TAOK1: variants seen among roughly 807,000 people sequenced by gnomAD.
TAOK1 encodes the protein serine/threonine-protein kinase TAO1.
TAOK1 carries 21 observed loss-of-function variants against 138.3 expected under a neutral mutation model. The ratio of observed to expected loss-of-function variants is 0.15; its 90% CI spans 0.11 to 0.22. The LOEUF (loss-of-function observed/expected upper bound fraction) is 0.22, where lower values mean the gene tolerates loss of function less well. Ranked by LOEUF, TAOK1 falls within the 10% of genes least tolerant of loss-of-function variation. The pLI is 1.00. For synonymous variants in TAOK1, 361 were observed against 398.4 expected, an observed-to-expected ratio of 0.91 and a Z score of 1.12; for missense variants, 651 against 1,227.7, an observed-to-expected ratio of 0.53 and a Z score of 7.02.
intron 2 of TAOK1, among the ~76,000 whole-genome samples, chr17:29,464,379 G>A (rs2030604101): frequency 6.7e-6 from 1 of 149,812 alleles, no homozygotes; most frequent in South Asian, 2.1e-4. Context: ...GGGAGGCAGA[G>A]TTTGCAGTGA....
chr17:29,391,394 G>A (rs1904422339), intron 1 of TAOK1, among the ~76,000 whole-genome samples: 2 of 152,090 alleles, frequency 1.3e-5, no homozygotes, highest in Admixed American at 6.5e-5. Context: ...TGTATTCTTG[G>A]GAAGGGAGAC....
rs1018067032 is a variant in TAOK1 at position 29,390,969 on chromosome 17, G to C, written c.-150G>C. The stretch of plus-strand genomic sequence containing the variant: ...CTCACCCTCCAGGGTAGCGGCTACC[G>C]GAGCGCTGCAGGGGGCTGCGCCTGC... On this transcript the variant is annotated 5_prime_UTR_variant, in exon 1 of 20. Coordinates refer to ENST00000261716, the MANE Select transcript of TAOK1 (RefSeq NM_020791.4). 15 of 152,262 alleles carry C rather than the reference G, an allele frequency of 9.9e-5. No individual in the cohort carries two copies. The highest frequency in any genetic ancestry group is 1.8e-4 in the Non-Finnish European group (12 of 68,088). The allele number at this position is 152,262 out of a possible 1,614,324, so 9.4% of individuals were successfully genotyped here. A position where few individuals can be genotyped will look rare whatever the true frequency, so the allele number is the denominator to read the frequency against.
intron 1 of TAOK1, among the ~76,000 whole-genome samples, chr17:29,430,512 A>T (rs1905792957): frequency 6.6e-6 from 1 of 152,230 alleles, no homozygotes; most frequent in Non-Finnish European, 1.5e-5. Context: ...GTTGCAAACG[A>T]AGACTCCACC....
In TAOK1 at chr17:29,451,808, G is replaced by C. The variant is rs2030245374; in HGVS notation, c.132+128G>C. On this transcript the variant is annotated intron_variant, in intron 2 of 19. Transcript: ENST00000261716. ...TATAGTCACTTGCATAGGGGGAAGAGAGAGAGCGCGAGAGCGAGAGCGTGG... is the reference window on the plus strand; with the variant it reads ...TATAGTCACTTGCATAGGGGGAAGACAGAGAGCGCGAGAGCGAGAGCGTGG... 1.5e-5 allele frequency: 16 copies of C among 1,048,686 alleles called. No homozygotes were observed. The South Asian group carries it at 3.0e-4, about 20-fold the overall frequency. 65.0% of individuals were successfully genotyped at this position (1,048,686 alleles called of 1,614,324 possible).
rs550052426 is a variant in TAOK1, at chr17:29,475,044, T to A, written c.205-626T>A. Among the ~76,000 whole-genome samples, 16 of 152,084 alleles carry A rather than the reference T, an allele frequency of 1.1e-4. No homozygotes were observed. In the South Asian group the frequency reaches 2.3e-3, roughly 22 times the overall value. The stretch of plus-strand genomic sequence containing the variant: ...CAACCTCCACCTCCCGTGTTCAAGC[T>A]ATTCTCCTGCCTCAGCCTCCCGAGT... On this transcript the variant is annotated intron_variant, in intron 3 of 19. Transcript: ENST00000261716.
Position 29,530,537 on chromosome 17 carries a change from T to C in TAOK1, c.2279T>C (p.Leu760Pro). 1 of 1,614,130 alleles carries C rather than the reference T, an allele frequency of 6.2e-7. No individual in the cohort carries two copies. The highest frequency in any genetic ancestry group is 8.5e-7 in the Non-Finnish European group (1 of 1,180,034). The change falls in exon 18 of 20, where the codon CTC becomes CCC. Residue 760 changes from leucine (L) to proline (P), a missense_variant. By Grantham distance (98) the Leu-to-Pro change is moderately conservative. This residue lies in a region of TAOK1 where 258 missense variants were observed against 548.9 expected (regional missense o/e 0.47). Transcript: ENST00000261716. ...KSEHKAVLKR[L>P]KEEQTRKLAI... Reference sequence around the variant, plus strand: ...GAGCACAAAGCTGTTCTGAAACGGCTCAAGGAGGAACAGACCCGGAAATTA... The same window carrying C: ...GAGCACAAAGCTGTTCTGAAACGGCCCAAGGAGGAACAGACCCGGAAATTA...
rs1275639310 is a variant in TAOK1 at position 29,431,834 on chromosome 17, T to G, written c.-94-19621T>G. 1.2e-4 allele frequency among the ~76,000 whole-genome samples: 16 copies of G among 128,038 alleles called. No individual in the cohort carries two copies. The Admixed American group carries it at 1.3e-3, about 11-fold the overall frequency. The allele number at this position is 128,038 out of a possible 152,430, so 84.0% of individuals were successfully genotyped here. A position where few individuals can be genotyped will look rare whatever the true frequency, so the allele number is the denominator to read the frequency against. On this transcript the variant is annotated intron_variant, in intron 1 of 19. Transcript: ENST00000261716. ...TTTTTTTTTTTTTTTTGAGATGGAG[T>G]CTCACTCTGTTGCCCAGGCTGGATT...
chr17:29,498,648 T>C (rs1158492571), intron 12 of TAOK1, 127 bp downstream of exon 12: 2 of 1,061,380 alleles, frequency 1.9e-6, no homozygotes, highest in East Asian at 2.6e-5. Flanking sequence ...CTGGGCTCAG[T>C]GGCTCATGCC....
intron 10 of TAOK1, among the ~76,000 whole-genome samples, chr17:29,492,653 G>A (rs966187813): frequency 6.6e-6 from 1 of 152,076 alleles, no homozygotes; most frequent in Non-Finnish European, 1.5e-5. Context: ...TTAGCTGGGC[G>A]TGGTGGCGCA....
intron 15 of TAOK1, chr17:29,511,627 C>G (rs988857765): frequency 2.0e-5 from 3 of 152,250 alleles, no homozygotes; most frequent in Non-Finnish European, 4.4e-5. Context: ...CTCACTGCAG[C>G]TTCGACCTCC....
intron 6 of TAOK1, among the ~76,000 whole-genome samples, chr17:29,479,130 A>T (rs1028708176): frequency 6.7e-6 from 1 of 148,780 alleles, no homozygotes; most frequent in Non-Finnish European, 1.5e-5. Flanking sequence ...TGGGTGACAG[A>T]GTGAAACTCT....
intron 1 of TAOK1, among the ~76,000 whole-genome samples, chr17:29,406,721 C>T (rs1352202228): frequency 6.6e-6 from 1 of 151,960 alleles, no homozygotes; most frequent in Admixed American, 6.6e-5. Context: ...AGACTACTGG[C>T]ATACACCACC....
chr17:29,481,698 G>T (rs375979957), intron 7 of TAOK1, among the ~76,000 whole-genome samples: 1 of 151,080 alleles, frequency 6.6e-6, no homozygotes, highest in Non-Finnish European at 1.5e-5. Context: ...GGTGGATCAC[G>T]CCTGTAATCC....
chr17:29,469,289 C>T (rs139592095), intron 3 of TAOK1, among the ~76,000 whole-genome samples: 11 of 128,852 alleles, frequency 8.5e-5, no homozygotes, highest in African/African-American at 3.2e-4. Flanking sequence ...TCTCTTTAAT[C>T]TTTAAATTTT....
intron 1 of TAOK1, among the ~76,000 whole-genome samples, chr17:29,448,020 C>CTTT (rs78328596): frequency 1.7e-5 from 2 of 116,938 alleles, no homozygotes; most frequent in African/African-American, 3.2e-5. Context: ...CCGAGTTTAT[C>CTTT]TTTTTTTTTA....
chr17:29,513,530 T>C (rs756403642), intron 15 of TAOK1: 1 of 152,204 alleles, frequency 6.6e-6, no homozygotes, highest in Non-Finnish European at 1.5e-5. Flanking sequence ...CATTTTCTTT[T>C]AGAAGCTAAG....
intron 3 of TAOK1, among the ~76,000 whole-genome samples, chr17:29,468,553 C>CTT (rs34030976): frequency 3.5e-4 from 51 of 145,942 alleles, no homozygotes; most frequent in Non-Finnish European, 6.0e-4. Flanking sequence ...TGGATATGAT[C>CTT]TTTTTTTTTT....
intron 2 of TAOK1, among the ~76,000 whole-genome samples, chr17:29,462,485 A>G (rs572710223): frequency 7.2e-5 from 11 of 152,358 alleles, no homozygotes; most frequent in African/African-American, 2.6e-4. Flanking sequence ...TAGACCATGT[A>G]TGGTCCCAGC....
At chr17:29,418,929 GC>G (rs1905341043) in intron 1 of TAOK1, among the ~76,000 whole-genome samples, 1 of 58,036 alleles carries the variant, frequency 1.7e-5, no homozygotes, top group South Asian at 8.5e-4. Context: ...TGGGTGCTTT[GC>G]TTTTTTTTTT....
Sources: gnomAD v4.1 joint callset for allele counts (sites outside exome capture counted in the v4.1 genomes callset) on GRCh38, gnomAD v4.1.1 for gene constraint, gnomAD v4.1.1 regional missense constraint, MANE v1.5 for transcripts, NCBI Gene and HGNC (gene_info 2026-07-23, HGNC 2026-07-21) for gene names.